The following NRXN3 variants were observed in gnomAD, a reference collection of about 807,000 sequenced individuals.
NRXN3 encodes the protein neurexin III.
A neutral mutation model predicts 137.6 loss-of-function variants in NRXN3; 32 were observed. The observed-to-expected ratio is 0.23, with a 90% CI of 0.18 to 0.31. The LOEUF (loss-of-function observed/expected upper bound fraction) is 0.31. Among genes scored for constraint, NRXN3 ranks in the 10% least tolerant of loss-of-function variants. NRXN3 has a pLI of 1.00. For synonymous variants in NRXN3, 798 were observed against 784.5 expected, an observed-to-expected ratio of 1.02 and a Z score of -0.29; for missense variants, 1,574 against 2,062.5, an observed-to-expected ratio of 0.76 and a Z score of 4.59.
chr14:79,735,394 G>T (rs906383202), intron 19 of NRXN3, among the ~76,000 whole-genome samples: 6 of 152,164 alleles, frequency 3.9e-5, no homozygotes, highest in African/African-American at 1.4e-4. Context: ...TTGGAAGCAA[G>T]TCATGGTTGA....
intron 15 of NRXN3, among the ~76,000 whole-genome samples, chr14:79,159,786 C>A (rs1204645924): frequency 6.6e-6 from 1 of 151,788 alleles, no homozygotes; most frequent in African/African-American, 2.4e-5. Flanking sequence ...AAACAAATGC[C>A]TTTTCTCTTA....
At chr14:78,587,359 G>A (rs996030778) in intron 4 of NRXN3, among the ~76,000 whole-genome samples, 5 of 152,160 alleles carry the variant, frequency 3.3e-5, no homozygotes, top group East Asian at 1.9e-4. Flanking sequence ...ACTTAGAGAC[G>A]CAAATCCTCG....
At chr14:78,723,595 C>T (rs573141383) in intron 8 of NRXN3, among the ~76,000 whole-genome samples, 3 of 152,286 alleles carry the variant, frequency 2.0e-5, no homozygotes, top group South Asian at 4.2e-4. Flanking sequence ...ACCTTCTCAC[C>T]TTCTCTCTGT....
chr14:78,227,072 C>A (rs992287388), intron 1 of NRXN3, among the ~76,000 whole-genome samples: 16 of 152,144 alleles, frequency 1.1e-4, no homozygotes, highest in African/African-American at 3.9e-4. Flanking sequence ...TCTGAAGCTC[C>A]CTCTGGGCTC....
intron 4 of NRXN3, among the ~76,000 whole-genome samples, chr14:78,609,463 A>G (rs2097281393): frequency 6.6e-6 from 1 of 152,222 alleles, no homozygotes; most frequent in Non-Finnish European, 1.5e-5. Flanking sequence ...GAAGGAAATG[A>G]ATAGGATATC....
intron 4 of NRXN3, among the ~76,000 whole-genome samples, chr14:78,631,402 G>A (rs2152534450): frequency 6.6e-6 from 1 of 152,284 alleles, no homozygotes; most frequent in Non-Finnish European, 1.5e-5. Context: ...ACTTCTCTAA[G>A]TCTGGGATCT....
rs138159767 is a variant in NRXN3 at position 79,141,508 on chromosome 14, T to C, written c.3262+153367T>C. Among the ~76,000 whole-genome samples, 651 of 152,320 alleles carry C rather than the reference T, an allele frequency of 4.3e-3. 2 individuals are homozygous for C. The highest frequency in any genetic ancestry group is 0.037 in the Middle Eastern group (11 of 294). On this transcript the variant is annotated intron_variant, in intron 15 of 20. Transcript: ENST00000335750. ...TTGAGGGCAAATAATTGAATCTGCATTTTATTAAAAGAACACTGAGACTAA... is the reference window on the plus strand; with the variant it reads ...TTGAGGGCAAATAATTGAATCTGCACTTTATTAAAAGAACACTGAGACTAA...
At chr14:79,379,987 A>G (rs1178209507) in intron 15 of NRXN3, among the ~76,000 whole-genome samples, 1 of 151,952 alleles carries the variant, frequency 6.6e-6, no homozygotes, top group Non-Finnish European at 1.5e-5. Context: ...AAGAAAAACA[A>G]TCTAGGATTT....
At chr14:78,608,981 A>G (rs541943755) in intron 4 of NRXN3, among the ~76,000 whole-genome samples, 2 of 152,216 alleles carry the variant, frequency 1.3e-5, no homozygotes, top group African/African-American at 4.8e-5. Flanking sequence ...GCAATCTACA[A>G]TATTTGGGAA....
chr14:78,923,468 CT>C (rs2099276579), intron 10 of NRXN3, among the ~76,000 whole-genome samples: 1 of 152,104 alleles, frequency 6.6e-6, no homozygotes. Flanking sequence ...GTTGTTTCAC[CT>C]TTTAGTGGCA....
intron 4 of NRXN3, among the ~76,000 whole-genome samples, chr14:78,342,128 G>C (rs142605653): frequency 1.3e-5 from 2 of 152,302 alleles, no homozygotes; most frequent in East Asian, 3.9e-4. Context: ...CTGAAACCAG[G>C]ACAGTTCCAG....
At chr14:78,351,770 T>C (rs909105697) in intron 4 of NRXN3, among the ~76,000 whole-genome samples, 6 of 147,022 alleles carry the variant, frequency 4.1e-5, no homozygotes, top group Non-Finnish European at 8.9e-5. Context: ...CATTTAACTT[T>C]TTGGTATTTT....
At chr14:79,326,472 C>T (rs920856984) in intron 15 of NRXN3, among the ~76,000 whole-genome samples, 4 of 152,178 alleles carry the variant, frequency 2.6e-5, no homozygotes, top group Admixed American at 6.5e-5. Context: ...GACATCTCAC[C>T]GCAAGGACTT....
intron 20 of NRXN3, among the ~76,000 whole-genome samples, chr14:79,820,234 G>A (rs2099267330): frequency 6.6e-6 from 1 of 152,184 alleles, no homozygotes; most frequent in Non-Finnish European, 1.5e-5. Context: ...CAGTGAATGA[G>A]GAGGACACAA....
intron 19 of NRXN3, among the ~76,000 whole-genome samples, chr14:79,740,710 T>TATATATA (rs2098958360): frequency 1.4e-5 from 1 of 73,670 alleles, no homozygotes; most frequent in African/African-American, 5.4e-5. Flanking sequence ...GCATTTAGTT[T>TATATATA]TTTATATATA....
chr14:78,514,186 C>G (rs1337201720), intron 4 of NRXN3, among the ~76,000 whole-genome samples: 2 of 152,072 alleles, frequency 1.3e-5, no homozygotes, highest in African/African-American at 4.8e-5. Context: ...TAAACAGTTC[C>G]AAGACCGCAA....
intron 4 of NRXN3, among the ~76,000 whole-genome samples, chr14:78,359,552 A>G (rs750410023): frequency 2.0e-5 from 3 of 152,166 alleles, no homozygotes; most frequent in Non-Finnish European, 4.4e-5. Flanking sequence ...GAGTTGAGCT[A>G]CTGTATTAGA....
intron 20 of NRXN3, among the ~76,000 whole-genome samples, chr14:79,832,151 A>T (rs2099325906): frequency 6.6e-6 from 1 of 152,166 alleles, no homozygotes; most frequent in South Asian, 2.1e-4. Context: ...CATAGTTGTT[A>T]TACTGTATTG....
At chr14:79,238,767 C>T (rs957849889) in intron 15 of NRXN3, among the ~76,000 whole-genome samples, 3 of 152,008 alleles carry the variant, frequency 2.0e-5, no homozygotes, top group African/African-American at 4.8e-5. Flanking sequence ...AAAGTTTATT[C>T]ATGTTGTGTT....
Sources: allele counts gnomAD v4.1 joint callset (sites outside exome capture counted in the v4.1 genomes callset), GRCh38; gene constraint gnomAD v4.1.1; transcripts MANE v1.5; gene names NCBI Gene and HGNC (gene_info 2026-07-23, HGNC 2026-07-21).